The following RIMS2 variants were observed in gnomAD, a reference collection of about 807,000 sequenced individuals.
RIMS2 encodes regulating synaptic membrane exocytosis 2, also known as regulating synaptic membrane exocytosis protein 2.
RIMS2 carries 59 observed loss-of-function variants against 174.4 expected under a neutral mutation model. That is an observed-to-expected ratio of 0.34 (90% confidence interval 0.27 to 0.42). The LOEUF (loss-of-function observed/expected upper bound fraction) is 0.42. Ranked by LOEUF, RIMS2 falls within the 10% of genes least tolerant of loss-of-function variation. The pLI is 1.00. For missense variants in RIMS2, 1,620 were observed against 1,666.3 expected (o/e 0.97, Z 0.48); for synonymous variants, 606 against 572.5 (o/e 1.06, Z -0.84).
chr8:104,187,746 A>T (rs2136215530), intron 19 of RIMS2, among the ~76,000 whole-genome samples: 1 of 151,870 alleles, frequency 6.6e-6, no homozygotes, highest in South Asian at 2.1e-4. Flanking sequence ...TACATTGTTT[A>T]CTGTTTAGAA....
intron 2 of RIMS2, among the ~76,000 whole-genome samples, chr8:103,736,833 AG>A (rs1225942814): frequency 6.6e-6 from 1 of 152,110 alleles, no homozygotes; most frequent in African/African-American, 2.4e-5. Flanking sequence ...ATTTTATACT[AG>A]GGTTGACATT....
intron 1 of RIMS2, among the ~76,000 whole-genome samples, chr8:103,634,482 G>T (rs1466267221): frequency 6.6e-6 from 1 of 152,178 alleles, no homozygotes; most frequent in East Asian, 1.9e-4. Flanking sequence ...GTGAGGAAAA[G>T]AATGTATATT....
chr8:103,918,934 C>T (rs1477549104), intron 9 of RIMS2, among the ~76,000 whole-genome samples: 1 of 152,022 alleles, frequency 6.6e-6, no homozygotes, highest in Non-Finnish European at 1.5e-5. Flanking sequence ...TTGGAATAAA[C>T]TAGTGAATAA....
At chr8:103,666,640 C>T (rs1009127036) in intron 1 of RIMS2, among the ~76,000 whole-genome samples, 1 of 152,114 alleles carries the variant, frequency 6.6e-6, no homozygotes, top group Non-Finnish European at 1.5e-5. Flanking sequence ...CTATCTGCTT[C>T]TTTAAAGTTT....
chr8:104,167,737 G>T (rs1209243500), intron 19 of RIMS2, among the ~76,000 whole-genome samples: 1 of 152,102 alleles, frequency 6.6e-6, no homozygotes, highest in Non-Finnish European at 1.5e-5. Context: ...TTTTAGTCAT[G>T]AATTCTTTGC....
At chr8:103,916,856 T>C (rs2076714046) in intron 8 of RIMS2, among the ~76,000 whole-genome samples, 1 of 152,018 alleles carries the variant, frequency 6.6e-6, no homozygotes, top group Admixed American at 6.6e-5. Flanking sequence ...AGTCTATAAA[T>C]TTTACATTTT....
At chr8:104,243,198 G>A (rs747736319) in intron 19 of RIMS2, among the ~76,000 whole-genome samples, 22 of 152,196 alleles carry the variant, frequency 1.4e-4, no homozygotes, top group African/African-American at 2.2e-4. Flanking sequence ...CTTAGATTGC[G>A]GAACTGAGTT....
At chr8:103,781,974 C>T (rs1389966295) in intron 3 of RIMS2, among the ~76,000 whole-genome samples, 2 of 151,870 alleles carry the variant, frequency 1.3e-5, no homozygotes, top group African/African-American at 4.8e-5. Context: ...TATTGAACTC[C>T]TGACCTCCGG....
At chr8:104,240,233 A>G (rs560014833) in intron 19 of RIMS2, among the ~76,000 whole-genome samples, 2 of 152,310 alleles carry the variant, frequency 1.3e-5, no homozygotes, top group Admixed American at 1.3e-4. Flanking sequence ...TACATCTGCA[A>G]AATCCCTTTT....
chr8:103,998,226 T>A, intron 17 of RIMS2: 1 of 1,610,062 alleles, frequency 6.2e-7, no homozygotes, highest in Non-Finnish European at 8.5e-7. Flanking sequence ...AGTCAGACCA[T>A]TGACCATCAT....
chr8:103,553,924 C>T (rs191409508), intron 1 of RIMS2, among the ~76,000 whole-genome samples: 1 of 143,874 alleles, frequency 7.0e-6, no homozygotes, highest in Non-Finnish European at 1.5e-5. Flanking sequence ...TAATCTTCGA[C>T]AAACTCAACA....
At chr8:103,575,422 C>T (rs546583725) in intron 1 of RIMS2, among the ~76,000 whole-genome samples, 2 of 152,108 alleles carry the variant, frequency 1.3e-5, no homozygotes, top group Admixed American at 1.3e-4. Context: ...CCAGAAATTC[C>T]ATTCCTAGGT....
At chr8:103,652,342 G>A (rs916465291) in intron 1 of RIMS2, 105 bp downstream of exon 2, 1 of 613,610 alleles carries the variant, frequency 1.6e-6, no homozygotes, top group East Asian at 5.4e-5. Context: ...TGCAGCTAGT[G>A]TGTCTTCTGC....
chr8:103,752,091 G>A (rs1457508991), intron 2 of RIMS2, among the ~76,000 whole-genome samples: 2 of 152,164 alleles, frequency 1.3e-5, no homozygotes, highest in African/African-American at 2.4e-5. Flanking sequence ...TAGGTCTAAT[G>A]TTTAAGTCTT....
At chr8:104,148,954 G>A in intron 19 of RIMS2, 106 bp downstream of exon 25, 1 of 1,160,534 alleles carries the variant, frequency 8.6e-7, no homozygotes, top group Non-Finnish European at 1.2e-6. Flanking sequence ...ATGATGACAT[G>A]TTCCAGAGGG....
At position 103,594,257 on chromosome 8, in the gene RIMS2, C is replaced by A. The variant is rs1359208517; in HGVS notation, c.176+93195C>A. ...GCCTATTTAGTGCCACATTTTTTTT[C>A]ATTTTTATGCTCTTTGTTGGTAATT... On this transcript the variant is annotated intron_variant, in intron 1 of 23. Coordinates refer to ENST00000504942, the Ensembl canonical transcript of RIMS2. Among the ~76,000 whole-genome samples the A allele has an allele frequency of 2.0e-5, 3 of 151,354 alleles. No individual in the cohort carries two copies. The East Asian group carries it at 5.8e-4, about 29-fold the overall frequency.
intron 3 of RIMS2, among the ~76,000 whole-genome samples, chr8:103,783,322 A>C (rs2098409735): frequency 6.8e-6 from 1 of 148,028 alleles, no homozygotes; most frequent in East Asian, 2.0e-4. Context: ...CACATTGTGC[A>C]GGTTAGTTAC....
chr8:104,101,523 G>A (rs1259225665), intron 19 of RIMS2, among the ~76,000 whole-genome samples: 1 of 152,112 alleles, frequency 6.6e-6, no homozygotes, highest in East Asian at 1.9e-4. Flanking sequence ...GGTGTAAAAT[G>A]TGATGTTTTG....
Position 103,689,173 on chromosome 8 carries a change from A to T in RIMS2, c.177-7913A>T, listed in dbSNP as rs1895898. Among the ~76,000 whole-genome samples, 602 of 152,048 alleles carry T rather than the reference A, an allele frequency of 4.0e-3. 4 individuals are homozygous for T. The highest frequency in any genetic ancestry group is 0.017 in the South Asian group (83 of 4,824). The stretch of plus-strand genomic sequence containing the variant: ...GTTTGCATAGTTTCCAAAATTTCTC[A>T]TATTATTGATTTCTAGTTTTATTTC... On this transcript the variant is annotated intron_variant, in intron 1 of 23. Transcript: ENST00000504942.
Sources: gnomAD v4.1 joint callset for allele counts (sites outside exome capture counted in the v4.1 genomes callset) on GRCh38, gnomAD v4.1.1 for gene constraint, MANE v1.5 for transcripts, NCBI Gene and HGNC (gene_info 2026-07-23, HGNC 2026-07-21) for gene names.